DNAJC5: variants seen among roughly 807,000 people sequenced by gnomAD.
The protein encoded by DNAJC5 is dnaJ homolog subfamily C member 5.
A neutral mutation model predicts 23.2 loss-of-function variants in DNAJC5; 1 was observed. The observed-to-expected ratio is 0.04, with a 90% CI of 0.02 to 0.20. The LOEUF is 0.20. Among genes scored for constraint, DNAJC5 ranks in the 10% least tolerant of loss-of-function variants. DNAJC5 has a pLI of 1.00. For synonymous variants in DNAJC5, 136 were observed against 120.0 expected (o/e 1.13, Z -0.87); for missense variants, 180 against 267.0 (o/e 0.67, Z 2.27).
chr20:63,921,357 C>T (rs903858034), intron 1 of DNAJC5, among the ~76,000 whole-genome samples: 3 of 151,990 alleles, frequency 2.0e-5, no homozygotes, highest in Admixed American at 2.0e-4. Context: ...TTTGGGAGGC[C>T]GAGGCTGGTG....
chr20:63,921,389 A>G (rs1178804524), intron 1 of DNAJC5, among the ~76,000 whole-genome samples: 1 of 152,038 alleles, frequency 6.6e-6, no homozygotes, highest in Admixed American at 6.5e-5. Flanking sequence ...GTGGTGATCA[A>G]GACCATCCTG....
At chr20:63,924,195 T>A (rs956107917) in intron 1 of DNAJC5, among the ~76,000 whole-genome samples, 1 of 128,362 alleles carries the variant, frequency 7.8e-6, no homozygotes, top group Non-Finnish European at 1.6e-5. Context: ...TTTAAAAAAA[T>A]CAGTATCAGT....
At chr20:63,917,519 C>A (rs1490153983) in intron 1 of DNAJC5, among the ~76,000 whole-genome samples, 1 of 151,712 alleles carries the variant, frequency 6.6e-6, no homozygotes, top group Non-Finnish European at 1.5e-5. Flanking sequence ...TCTCAAAGTT[C>A]TGGGATTATA....
intron 1 of DNAJC5, chr20:63,919,393 T>C (rs753306891): frequency 2.0e-6 from 1 of 494,368 alleles, no homozygotes. Flanking sequence ...CACCCGGCTG[T>C]GTGGACATGT....
At chr20:63,927,895 G>T (rs1002815734) in intron 1 of DNAJC5, among the ~76,000 whole-genome samples, 7 of 152,010 alleles carry the variant, frequency 4.6e-5, no homozygotes, top group Non-Finnish European at 1.0e-4. Context: ...TTATGCAGAG[G>T]TTGCTGTAAG....
intron 1 of DNAJC5, among the ~76,000 whole-genome samples, chr20:63,915,467 A>G (rs565822195): frequency 5.9e-5 from 9 of 152,118 alleles, no homozygotes; most frequent in East Asian, 1.9e-4. Flanking sequence ...GACACACCAT[A>G]ATAAGTAAAA....
chr20:63,926,578 G>A (rs1315251783), intron 1 of DNAJC5, among the ~76,000 whole-genome samples: 2 of 152,216 alleles, frequency 1.3e-5, no homozygotes, highest in Non-Finnish European at 2.9e-5. Context: ...CGTCATTATG[G>A]AGACGGAATC....
intron 1 of DNAJC5, among the ~76,000 whole-genome samples, chr20:63,925,881 G>A (rs2053609981): frequency 6.9e-6 from 1 of 145,720 alleles, no homozygotes; most frequent in African/African-American, 2.6e-5. Flanking sequence ...AGGCTGGAGT[G>A]CAGTGGTGCG....
At chr20:63,905,747 T>C (rs1368782389) in intron 1 of DNAJC5, among the ~76,000 whole-genome samples, 1 of 151,142 alleles carries the variant, frequency 6.6e-6, no homozygotes, top group Non-Finnish European at 1.5e-5. Context: ...TTTTTTTTTT[T>C]TTCTGGAGAC....
At chr20:63,919,819 A>G in intron 1 of DNAJC5, 1 of 268,152 alleles carries the variant, frequency 3.7e-6, no homozygotes, top group Non-Finnish European at 6.8e-6. Context: ...CTGTGTGCAC[A>G]TGTGCCCAGG....
chr20:63,915,683 AGTGGCCACTG>A (rs2053511448), intron 1 of DNAJC5, among the ~76,000 whole-genome samples: 1 of 152,196 alleles, frequency 6.6e-6, no homozygotes, highest in Admixed American at 6.5e-5. Flanking sequence ...CCTAAGTTCC[AGTGGCCACTG>A]GTGCAGTCCT....
In DNAJC5 at chr20:63,929,250, C is replaced by T. The variant is rs181382328; in HGVS notation, c.108-62C>T. 5.6e-4 allele frequency: 869 copies of T among 1,556,014 alleles called. 5 individuals carry two copies. The African/African-American group carries it at 0.011, about 19-fold the overall frequency. ...GCAGTGCGTGCGGGTGGGATGGACG[C>T]GGCGGCGGGTGCGGGTGGAACAAAG... On this transcript the variant is annotated intron_variant, in intron 2 of 4. Transcript: ENST00000360864. The surrounding 1 kb of genome is among the most constrained non-coding windows in gnomAD (Gnocchi z 8.6).
In DNAJC5 at chr20:63,930,052, C is replaced by T. The variant is rs553608214; in HGVS notation, c.321+527C>T. Among the ~76,000 whole-genome samples, 50 of 152,334 alleles carry T rather than the reference C, an allele frequency of 3.3e-4. 1 individual carries two copies. The South Asian group carries it at 7.2e-3, about 22-fold the overall frequency. ...CCTCGATGTTACATCCGCATTTCTT[C>T]GTTTCCTCGTTTTGTTCCAAATGTC... is the stretch of plus-strand genomic sequence containing the variant. On this transcript the variant is annotated intron_variant, in intron 3 of 4. Transcript: ENST00000360864.
chr20:63,920,659 C>T lies in DNAJC5; in HGVS notation c.-11-7676C>T, dbSNP rs1287267410. ...TGTAAAACGTGACCCTTTTTGTTTG[C>T]TTTTAATTTTTAATTTTTATTTATT... On this transcript the variant is annotated intron_variant, in intron 1 of 4. Transcript: ENST00000360864. This position sits in a 1 kb window ranked among gnomAD's most constrained non-coding sequence, Gnocchi z 4.6. Among the ~76,000 whole-genome samples, 1 of 152,180 alleles carries T rather than the reference C, an allele frequency of 6.6e-6. No homozygotes were observed. The highest frequency in any genetic ancestry group is 1.5e-5 in the Non-Finnish European group (1 of 68,034).
At chr20:63,906,742 C>T (rs903589431) in intron 1 of DNAJC5, among the ~76,000 whole-genome samples, 5 of 152,086 alleles carry the variant, frequency 3.3e-5, no homozygotes, top group Middle Eastern at 6.8e-3. Flanking sequence ...GCCGAGATCG[C>T]GCCACTGCAC....
chr20:63,926,209 T>C (rs2053615151), intron 1 of DNAJC5, among the ~76,000 whole-genome samples: 1 of 152,236 alleles, frequency 6.6e-6, no homozygotes, highest in Non-Finnish European at 1.5e-5. Flanking sequence ...TCAGTCTTGG[T>C]AAATTGTAAT....
In DNAJC5 at chr20:63,925,301, T is replaced by A. The variant is rs144002957; in HGVS notation, c.-11-3034T>A. The stretch of plus-strand genomic sequence containing the variant: ...GAGTTCAAGACCATCCTGGTCAATG[T>A]GGTGAAACCCCATCTCTACTAAAAA... On this transcript the variant is annotated intron_variant, in intron 1 of 4. Transcript: ENST00000360864. Among the ~76,000 whole-genome samples the A allele has an allele frequency of 4.6e-3, 696 of 152,196 alleles. 3 individuals carry two copies. The highest frequency in any genetic ancestry group is 0.016 in the African/African-American group (665 of 41,518).
rs930640143 is a variant in DNAJC5 at position 63,934,470 on chromosome 20, C to T, written c.*2902C>T. 1 of 152,286 alleles carries T rather than the reference C, an allele frequency of 6.6e-6. No individual in the cohort carries two copies. The highest frequency in any genetic ancestry group is 1.5e-5 in the Non-Finnish European group (1 of 68,088). The allele number at this position is 152,286 out of a possible 1,614,324, so 9.4% of individuals were successfully genotyped here. On this transcript the variant is annotated 3_prime_UTR_variant, in exon 5 of 5. Coordinates refer to ENST00000360864, the MANE Select transcript of DNAJC5 (RefSeq NM_025219.3). ...CTGCCAGGGGCCCTCTGGGGTCGTG[C>T]TTTGAGGCCCGTCCGGTTCACGAGG... is the stretch of plus-strand genomic sequence containing the variant.
chr20:63,930,719 G>C (rs917725392), intron 3 of DNAJC5, 132 bp from the exon 4 acceptor site: 7 of 1,412,748 alleles, frequency 5.0e-6, no homozygotes, highest in Non-Finnish European at 5.9e-6. Context: ...CTTTCCTTCT[G>C]CTTCCTGTCT....
Sources: gnomAD v4.1 joint callset for allele counts (sites outside exome capture counted in the v4.1 genomes callset) on GRCh38, gnomAD v4.1.1 for gene constraint, Gnocchi (gnomAD v3.1) non-coding constraint, MANE v1.5 for transcripts, NCBI Gene and HGNC (gene_info 2026-07-23, HGNC 2026-07-21) for gene names.